The following DAB1 variants were observed in gnomAD, a reference collection of about 807,000 sequenced individuals.
The protein encoded by DAB1 is DAB adaptor protein 1, also known as disabled homolog 1.
DAB1 carries 15 observed loss-of-function variants against 64.6 expected under a neutral mutation model. The ratio of observed to expected loss-of-function variants is 0.23; its 90% CI spans 0.16 to 0.36. The LOEUF (loss-of-function observed/expected upper bound fraction) is 0.36. Among genes scored for constraint, DAB1 ranks in the 10% least tolerant of loss-of-function variants. DAB1 has a pLI of 1.00. For missense variants in DAB1, 596 were observed against 706.7 expected (o/e 0.84, Z 1.78); for synonymous variants, 235 against 251.9 (o/e 0.93, Z 0.64).
intron 7 of DAB1, among the ~76,000 whole-genome samples, chr1:57,430,377 ATT>A (rs10659663): frequency 4.7e-4 from 67 of 141,864 alleles, no homozygotes; most frequent in African/African-American, 1.6e-3. Flanking sequence ...AGTTAATACA[ATT>A]TTTTTTTTTT....
At chr1:58,287,562 A>G (rs1330492794) in intron 4 of DAB1, among the ~76,000 whole-genome samples, 1 of 148,186 alleles carries the variant, frequency 6.7e-6, no homozygotes, top group Non-Finnish European at 1.5e-5. Flanking sequence ...AGGCATATTC[A>G]TGGGATAGGG....
intron 7 of DAB1, among the ~76,000 whole-genome samples, chr1:57,450,823 C>A (rs548903030): frequency 1.3e-5 from 2 of 152,286 alleles, no homozygotes; most frequent in African/African-American, 2.4e-5. Flanking sequence ...ATGAACTGAC[C>A]ATTCCTGTAT....
intron 1 of DAB1, among the ~76,000 whole-genome samples, chr1:57,366,790 A>G (rs1680033822): frequency 6.6e-6 from 1 of 152,164 alleles, no homozygotes; most frequent in African/African-American, 2.4e-5. Context: ...TCACACAGCC[A>G]GCAAAGGACA....
intron 4 of DAB1, among the ~76,000 whole-genome samples, chr1:57,121,918 T>G (rs1209343531): frequency 2.6e-5 from 4 of 151,388 alleles, no homozygotes; most frequent in Non-Finnish European, 4.4e-5. Context: ...AAAAAAAAAG[T>G]GGTTTTCTGT....
intron 3 of DAB1, among the ~76,000 whole-genome samples, chr1:58,471,140 G>A (rs2100330105): frequency 6.6e-6 from 1 of 152,268 alleles, no homozygotes; most frequent in African/African-American, 2.4e-5. Context: ...AAAAAGTTTT[G>A]AGGCAGACAG....
intron 6 of DAB1, among the ~76,000 whole-genome samples, chr1:57,704,930 C>T (rs887207271): frequency 1.1e-4 from 16 of 151,684 alleles, no homozygotes; most frequent in Admixed American, 2.6e-4. Context: ...TTCCTTCCTT[C>T]CTTTCTTTCT....
At chr1:58,447,244 C>T (rs749241459) in intron 3 of DAB1, among the ~76,000 whole-genome samples, 7 of 152,070 alleles carry the variant, frequency 4.6e-5, no homozygotes, top group South Asian at 4.2e-4. Context: ...CAAGGGGTGG[C>T]GGGAATTGCA....
chr1:58,290,268 G>T (rs778523234), intron 4 of DAB1, among the ~76,000 whole-genome samples: 9 of 152,160 alleles, frequency 5.9e-5, no homozygotes, highest in Non-Finnish European at 7.4e-5. Context: ...GATCAGGGAA[G>T]AGCAAACTAG....
chr1:57,400,183 A>C (rs1372621186), intron 1 of DAB1, among the ~76,000 whole-genome samples: 1 of 152,198 alleles, frequency 6.6e-6, no homozygotes, highest in East Asian at 1.9e-4. Context: ...GGAGACTGGA[A>C]ACACCGTTAC....
chr1:58,294,191 GACT>G (rs1661914836), intron 4 of DAB1, among the ~76,000 whole-genome samples: 1 of 151,964 alleles, frequency 6.6e-6, no homozygotes, highest in South Asian at 2.1e-4. Flanking sequence ...CATCAGACAG[GACT>G]TTAATTTCAT....
chr1:58,435,884 T>C (rs1644938956), intron 3 of DAB1, among the ~76,000 whole-genome samples: 1 of 152,232 alleles, frequency 6.6e-6, no homozygotes, highest in South Asian at 2.1e-4. Context: ...TTAGATTTGA[T>C]TGCTGATGAG....
chr1:57,360,408 G>T (rs1431803933), intron 1 of DAB1, among the ~76,000 whole-genome samples: 2 of 151,976 alleles, frequency 1.3e-5, no homozygotes, highest in Non-Finnish European at 2.9e-5. Flanking sequence ...ATTTGGATAA[G>T]CCCATGTCAA....
At chr1:57,862,930 A>C (rs1654125125) in intron 1 of DAB1, 1 of 152,180 alleles carries the variant, frequency 6.6e-6, no homozygotes, top group Non-Finnish European at 1.5e-5. Flanking sequence ...ACTTCCAGGT[A>C]TTTATACAAG....
chr1:57,785,029 A>T (rs1258295713), intron 6 of DAB1, among the ~76,000 whole-genome samples: 1 of 152,158 alleles, frequency 6.6e-6, no homozygotes, highest in African/African-American at 2.4e-5. Context: ...AGTTGAAACC[A>T]ATACTCATTT....
intron 7 of DAB1, among the ~76,000 whole-genome samples, chr1:57,526,024 G>A (rs1049142523): frequency 2.7e-5 from 4 of 148,518 alleles, no homozygotes; most frequent in Admixed American, 6.8e-5. Context: ...TGCAACCTCC[G>A]CCTCCTGGGT....
chr1:57,790,121 G>T (rs1650525179), intron 6 of DAB1, among the ~76,000 whole-genome samples: 1 of 152,120 alleles, frequency 6.6e-6, no homozygotes, highest in Non-Finnish European at 1.5e-5. Flanking sequence ...CTCCTGCTCT[G>T]TTTCCTTTCT....
chr1:57,471,736 A>T (rs1277425366), intron 7 of DAB1, among the ~76,000 whole-genome samples: 1 of 152,232 alleles, frequency 6.6e-6, no homozygotes, highest in Non-Finnish European at 1.5e-5. Context: ...AAGTCCATTA[A>T]ACCTCTTTCT....
intron 2 of DAB1, among the ~76,000 whole-genome samples, chr1:57,250,303 T>A (rs1011666015): frequency 6.6e-6 from 1 of 152,192 alleles, no homozygotes; most frequent in African/African-American, 2.4e-5. Flanking sequence ...TCTGTCTATG[T>A]CTGGTAGTAT....
chr1:57,083,496 G>A (rs1392410103), intron 4 of DAB1, among the ~76,000 whole-genome samples: 1 of 152,192 alleles, frequency 6.6e-6, no homozygotes, highest in African/African-American at 2.4e-5. Context: ...CGCTTGAATG[G>A]AAATGAAACA....
Sources: gnomAD v4.1 joint callset for allele counts (sites outside exome capture counted in the v4.1 genomes callset) on GRCh38, gnomAD v4.1.1 for gene constraint, MANE v1.5 for transcripts, NCBI Gene and HGNC (gene_info 2026-07-23, HGNC 2026-07-21) for gene names.